The following PCDHGB6 variants were observed in gnomAD, a reference collection of about 807,000 sequenced individuals.
The protein encoded by PCDHGB6 is protocadherin gamma-B6.
PCDHGB6 carries 51 observed loss-of-function variants against 59.1 expected under a neutral mutation model. That is an observed-to-expected ratio of 0.86 (90% CI 0.69 to 1.09). The LOEUF (loss-of-function observed/expected upper bound fraction) is 1.09, where lower values mean the gene tolerates loss of function less well. Among genes scored for constraint, PCDHGB6 ranks in the 50% least tolerant of loss-of-function variants. The pLI is 0.00. For synonymous variants in PCDHGB6, 466 were observed against 495.1 expected, an observed-to-expected ratio of 0.94 and a Z score of 0.78; for missense variants, 1,148 against 1,205.1, an observed-to-expected ratio of 0.95 and a Z score of 0.70.
chr5:141,437,307 G>A (rs1172152732), intron 1 of PCDHGB6, among the ~76,000 whole-genome samples: 7 of 152,120 alleles, frequency 4.6e-5, no homozygotes, highest in South Asian at 2.1e-4. Context: ...AAGTTAAAGC[G>A]TTCAGCTATA....
intron 1 of PCDHGB6, chr5:141,427,090 A>G: frequency 2.2e-6 from 1 of 458,214 alleles, no homozygotes; most frequent in East Asian, 6.9e-5. Context: ...GACCAGGATG[A>G]GGGTGTCAAT....
At chr5:141,447,023 G>GTT (rs5871773) in intron 1 of PCDHGB6, among the ~76,000 whole-genome samples, 2,010 of 151,524 alleles carry the variant, frequency 0.013, 40 homozygotes, top group African/African-American at 0.047. Context: ...GTTTTGTTTT[G>GTT]TTTTTTTTCT....
intron 1 of PCDHGB6, chr5:141,422,401 C>G: frequency 6.3e-7 from 1 of 1,598,896 alleles, no homozygotes; most frequent in Non-Finnish European, 8.5e-7. Context: ...TAACCACCTG[C>G]CTTTTAAATT....
In PCDHGB6 at chr5:141,431,675, G is replaced by A. The variant is rs778040824; in HGVS notation, c.2418+21055G>A. Reference sequence around the variant, plus strand: ...TTCAGGGACAATATCAACAATAGGGGAGTTGGACCACGAGGAGTCAGGATT... The same window carrying A: ...TTCAGGGACAATATCAACAATAGGGAAGTTGGACCACGAGGAGTCAGGATT... On this transcript the variant is annotated intron_variant, in intron 1 of 3. Coordinates refer to ENST00000520790, the MANE Select transcript of PCDHGB6 (RefSeq NM_018926.3). The surrounding 1 kb of genome is among the most constrained non-coding windows in gnomAD (Gnocchi z 4.8). 5.6e-6 allele frequency: 9 copies of A among 1,614,230 alleles called. No homozygotes were observed. Among genetic ancestry groups the A allele is most frequent in the Admixed American group, 1.7e-5 (1 of 60,028 alleles).
chr5:141,420,401 A>G, intron 1 of PCDHGB6: 1 of 1,249,172 alleles, frequency 8.0e-7, no homozygotes. Flanking sequence ...GGTCAAATTT[A>G]TGGTTATCAT....
Position 141,489,075 on chromosome 5 carries a change from C to A in PCDHGB6, c.2419-5732C>A. The A allele has an allele frequency of 3.1e-6, 1 of 324,814 alleles. No individual in the cohort carries two copies. The highest frequency in any genetic ancestry group is 5.5e-6 in the Non-Finnish European group (1 of 180,380). The allele number at this position is 324,814 out of a possible 1,614,324, so 20.1% of individuals were successfully genotyped here. A position where few individuals can be genotyped will look rare whatever the true frequency, so the allele number is the denominator to read the frequency against. ...TCAGCTCCCCTCCCCCCTGCCCACCCCCGCCACTCGGTGACTAAGAACTGC... is the reference window on the plus strand; with the variant it reads ...TCAGCTCCCCTCCCCCCTGCCCACCACCGCCACTCGGTGACTAAGAACTGC... On this transcript the variant is annotated intron_variant, in intron 1 of 3. Coordinates refer to ENST00000520790, the MANE Select transcript of PCDHGB6 (RefSeq NM_018926.3). The surrounding 1 kb of genome is among the most constrained non-coding windows in gnomAD (Gnocchi z 4.5).
At chr5:141,468,154 G>A (rs1374898668) in intron 1 of PCDHGB6, among the ~76,000 whole-genome samples, 2 of 151,838 alleles carry the variant, frequency 1.3e-5, no homozygotes, top group African/African-American at 2.4e-5. Flanking sequence ...GTGAAACCCT[G>A]TCTCTGCTAA....
Position 141,485,842 on chromosome 5 carries a change from T to G in PCDHGB6, c.2419-8965T>G. 4 of 1,614,002 alleles carry G rather than the reference T, an allele frequency of 2.5e-6. No homozygotes were observed. The highest frequency in any genetic ancestry group is 3.4e-6 in the Non-Finnish European group (4 of 1,179,982). On this transcript the variant is annotated intron_variant, in intron 1 of 3. Coordinates refer to ENST00000520790, the MANE Select transcript of PCDHGB6 (RefSeq NM_018926.3). The surrounding 1 kb of genome is among the most constrained non-coding windows in gnomAD (Gnocchi z 5.7). ...TCGATGGAGGGAACCCGCCGAGATC[T>G]GGCACCGCAGAGCTCCGGGTATCCG...
chr5:141,421,291 G>C, intron 1 of PCDHGB6: 1 of 1,613,364 alleles, frequency 6.2e-7, no homozygotes, highest in Middle Eastern at 1.6e-4. Context: ...CATTTTCCTG[G>C]GGACGCTGCG....
At chr5:141,483,937 C>T (rs964918788) in intron 1 of PCDHGB6, among the ~76,000 whole-genome samples, 1 of 130,444 alleles carries the variant, frequency 7.7e-6, no homozygotes, top group African/African-American at 2.9e-5. Flanking sequence ...TAGGTACCTA[C>T]GGTGTGAATT....
At chr5:141,443,728 C>T (rs1434984241) in intron 1 of PCDHGB6, among the ~76,000 whole-genome samples, 1 of 152,060 alleles carries the variant, frequency 6.6e-6, no homozygotes, top group Admixed American at 6.5e-5. Flanking sequence ...ATTCCTCATA[C>T]ATTTCCCTAT....
intron 1 of PCDHGB6, chr5:141,478,866 C>T (rs1392885307): frequency 1.5e-6 from 2 of 1,304,352 alleles, no homozygotes; most frequent in Non-Finnish European, 2.0e-6. Flanking sequence ...TCTCAGCGAT[C>T]AGAGTTTAGC....
Position 141,491,075 on chromosome 5 carries a change from A to G in PCDHGB6, c.2419-3732A>G, listed in dbSNP as rs147291399. ...TGGCTCTCCTACTCACTGTTGCCAC[A>G]GTCCACAGCCCCAGGACTGTTCCTC... is the stretch of plus-strand genomic sequence containing the variant. On this transcript the variant is annotated intron_variant, in intron 1 of 3. Coordinates refer to ENST00000520790, the MANE Select transcript of PCDHGB6 (RefSeq NM_018926.3). This position sits in a 1 kb window ranked among gnomAD's most constrained non-coding sequence, Gnocchi z 6.9. 1.2e-6 allele frequency: 2 copies of G among 1,614,080 alleles called. No individual in the cohort carries two copies. Among genetic ancestry groups the G allele is most frequent in the Non-Finnish European group, 8.5e-7 (1 of 1,180,042 alleles).
intron 2 of PCDHGB6, among the ~76,000 whole-genome samples, chr5:141,499,146 C>T (rs1415999012): frequency 1.3e-5 from 2 of 152,132 alleles, no homozygotes; most frequent in African/African-American, 4.8e-5. Flanking sequence ...GTGTCTGATC[C>T]CAATAGCTGT....
intron 1 of PCDHGB6, chr5:141,424,529 A>G (rs1308118953): frequency 6.6e-6 from 1 of 152,218 alleles, no homozygotes; most frequent in Non-Finnish European, 1.5e-5. Context: ...AAATCCATAT[A>G]TAGAAATAAC....
At chr5:141,475,217 A>G (rs1053906682) in intron 1 of PCDHGB6, among the ~76,000 whole-genome samples, 4 of 152,196 alleles carry the variant, frequency 2.6e-5, no homozygotes, top group Non-Finnish European at 5.9e-5. Flanking sequence ...AGGATTGATC[A>G]AGTAAAGGGA....
At position 141,430,859 on chromosome 5, in the gene PCDHGB6, T is replaced by G. The variant is rs770543752; in HGVS notation, c.2418+20239T>G. The stretch of plus-strand genomic sequence containing the variant: ...GACCGGATGCACCCAGATACGCTAT[T>G]CAGTTCCGGAAGAGCTGGAGAAAGG... On this transcript the variant is annotated intron_variant, in intron 1 of 3. Transcript: ENST00000520790. 5.0e-6 allele frequency: 8 copies of G among 1,592,398 alleles called. No homozygotes were observed. The East Asian group carries it at 1.6e-4, about 31-fold the overall frequency.
chr5:141,415,161 C>T (rs1391561235), intron 1 of PCDHGB6: 1 of 1,613,864 alleles, frequency 6.2e-7, no homozygotes, highest in Admixed American at 1.7e-5. Context: ...CCGCCACTGT[C>T]ACGCTCACCG....
intron 1 of PCDHGB6, among the ~76,000 whole-genome samples, chr5:141,470,256 A>G (rs1043528709): frequency 6.6e-6 from 1 of 152,228 alleles, no homozygotes; most frequent in African/African-American, 2.4e-5. Flanking sequence ...ACCTGTCTAA[A>G]TGGAGATACA....
Sources: allele counts gnomAD v4.1 joint callset (sites outside exome capture counted in the v4.1 genomes callset), GRCh38; gene constraint gnomAD v4.1.1; non-coding constraint Gnocchi (gnomAD v3.1); transcripts MANE v1.5; gene names NCBI Gene and HGNC (gene_info 2026-07-23, HGNC 2026-07-21).